Variants in ADGRB3 observed in about 807,000 individuals in gnomAD.
The protein encoded by ADGRB3 is adhesion G protein-coupled receptor B3, also known as brain-specific angiogenesis inhibitor 3.
ADGRB3 carries 37 observed loss-of-function variants against 193.4 expected under a neutral mutation model. The ratio of observed to expected loss-of-function variants is 0.19; its 90% CI spans 0.15 to 0.25. The LOEUF (loss-of-function observed/expected upper bound fraction) is 0.25. ADGRB3 is among the 10% of genes least tolerant of loss of function. The pLI, the probability that ADGRB3 is intolerant of heterozygous loss-of-function variation, is 1.00. For missense variants in ADGRB3, 1,637 were observed against 1,852.9 expected, an observed-to-expected ratio of 0.88 and a Z score of 2.14; for synonymous variants, 690 against 644.2, an observed-to-expected ratio of 1.07 and a Z score of -1.08.
At chr6:68,700,794 G>A (rs1430664378) in intron 3 of ADGRB3, among the ~76,000 whole-genome samples, 2 of 141,882 alleles carry the variant, frequency 1.4e-5, no homozygotes, top group African/African-American at 5.2e-5. Context: ...ACACAAGAAG[G>A]GGAACATCAC....
intron 20 of ADGRB3, among the ~76,000 whole-genome samples, chr6:69,257,394 C>A (rs1016861230): frequency 6.6e-6 from 1 of 152,150 alleles, no homozygotes; most frequent in African/African-American, 2.4e-5. Flanking sequence ...TGTTATTGGT[C>A]TATTCAGAGA....
chr6:69,005,419 C>T (rs958054407), intron 11 of ADGRB3, among the ~76,000 whole-genome samples: 3 of 151,982 alleles, frequency 2.0e-5, no homozygotes, highest in Non-Finnish European at 2.9e-5. Flanking sequence ...ACAAGTTAAA[C>T]TCTCTTACAT....
intron 16 of ADGRB3, among the ~76,000 whole-genome samples, chr6:69,067,117 G>T (rs1436177421): frequency 6.6e-6 from 1 of 152,108 alleles, no homozygotes; most frequent in East Asian, 1.9e-4. Flanking sequence ...CAAATGGAAA[G>T]ATAGAGTGGA....
intron 20 of ADGRB3, among the ~76,000 whole-genome samples, chr6:69,280,396 T>C (rs1767409822): frequency 1.3e-5 from 2 of 152,156 alleles, no homozygotes; most frequent in Non-Finnish European, 1.5e-5. Flanking sequence ...GAGGCAGTAT[T>C]ATATTGTGGT....
chr6:68,882,119 C>G lies in ADGRB3; in HGVS notation c.758-48440C>G, dbSNP rs146243511. 8.8e-3 allele frequency among the ~76,000 whole-genome samples: 1,346 copies of G among 152,254 alleles called. 35 individuals are homozygous for G. The highest frequency in any genetic ancestry group is 0.031 in the African/African-American group (1,285 of 41,558). On this transcript the variant is annotated intron_variant, in intron 3 of 31. Transcript: ENST00000370598. Reference sequence around the variant, plus strand: ...GATTTAGAAATGTTACATTCCCATTCATTTCATGAATATTCTCTAATGCTT... The same window carrying G: ...GATTTAGAAATGTTACATTCCCATTGATTTCATGAATATTCTCTAATGCTT...
intron 17 of ADGRB3, among the ~76,000 whole-genome samples, chr6:69,146,821 C>CTTTTTT (rs756561473): frequency 1.9e-5 from 2 of 103,236 alleles, no homozygotes; most frequent in African/African-American, 3.8e-5. Flanking sequence ...CTCATTACTT[C>CTTTTTT]TTTTTTTTTT....
intron 3 of ADGRB3, among the ~76,000 whole-genome samples, chr6:68,705,528 T>C (rs1255393798): frequency 1.3e-5 from 2 of 152,228 alleles, no homozygotes; most frequent in African/African-American, 4.8e-5. Context: ...TCTAGGCTTC[T>C]AACTCTGTGT....
chr6:68,886,825 C>T (rs1765921303), intron 3 of ADGRB3, among the ~76,000 whole-genome samples: 1 of 151,856 alleles, frequency 6.6e-6, no homozygotes, highest in Admixed American at 6.6e-5. Flanking sequence ...AATATAATCG[C>T]TTTATATGTA....
At chr6:69,332,029 C>T (rs1182780745) in intron 23 of ADGRB3, 16 of 985,234 alleles carry the variant, frequency 1.6e-5, no homozygotes, top group Admixed American at 1.2e-4. Context: ...TCATTGGCAG[C>T]AGGGCAGGGT....
chr6:68,992,967 T>C, intron 10 of ADGRB3, among the ~76,000 whole-genome samples: 1 of 152,278 alleles, frequency 6.6e-6, no homozygotes, highest in African/African-American at 2.4e-5. Flanking sequence ...ATTAAACTTT[T>C]AGTAAACAAG....
chr6:69,226,893 T>A (rs897204943), intron 17 of ADGRB3, among the ~76,000 whole-genome samples: 2 of 152,202 alleles, frequency 1.3e-5, no homozygotes, highest in Non-Finnish European at 2.9e-5. Context: ...GTGGACACCA[T>A]TAAGACCTCT....
chr6:68,738,345 T>C (rs968391726), intron 3 of ADGRB3, among the ~76,000 whole-genome samples: 1 of 151,862 alleles, frequency 6.6e-6, no homozygotes, highest in Non-Finnish European at 1.5e-5. Flanking sequence ...AAATGGGGAC[T>C]GACTGGAGGA....
intron 8 of ADGRB3, among the ~76,000 whole-genome samples, chr6:68,965,380 C>G (rs1311296826): frequency 6.6e-6 from 1 of 152,012 alleles, no homozygotes; most frequent in East Asian, 1.9e-4. Flanking sequence ...GGGAATTCCC[C>G]AAACACAAGA....
At chr6:69,311,168 G>C (rs1160455179) in intron 20 of ADGRB3, among the ~76,000 whole-genome samples, 6 of 151,648 alleles carry the variant, frequency 4.0e-5, no homozygotes, top group Admixed American at 4.0e-4. Flanking sequence ...TTTGCTTCTC[G>C]CAATAGCATG....
chr6:69,018,556 TC>T (rs1320435935), intron 13 of ADGRB3, 57 bp downstream of exon 13: 1 of 1,119,536 alleles, frequency 8.9e-7, no homozygotes, highest in Non-Finnish European at 1.3e-6. Flanking sequence ...ATTGCAAGTA[TC>T]TACACCATAC....
chr6:68,914,545 A>G (rs1465185524), intron 3 of ADGRB3, among the ~76,000 whole-genome samples: 1 of 152,140 alleles, frequency 6.6e-6, no homozygotes, highest in Non-Finnish European at 1.5e-5. Flanking sequence ...TGAAGGAAGC[A>G]CTAAACATGG....
At chr6:69,293,684 G>A (rs2127293540) in intron 20 of ADGRB3, among the ~76,000 whole-genome samples, 1 of 152,240 alleles carries the variant, frequency 6.6e-6, no homozygotes, top group South Asian at 2.1e-4. Flanking sequence ...TTTGTAAACA[G>A]CTACAGCCTC....
At chr6:69,242,298 C>T (rs543543128) in intron 20 of ADGRB3, among the ~76,000 whole-genome samples, 1 of 151,848 alleles carries the variant, frequency 6.6e-6, no homozygotes, top group South Asian at 2.1e-4. Context: ...TATAGGATCC[C>T]TTTGCTTCTG....
intron 20 of ADGRB3, among the ~76,000 whole-genome samples, chr6:69,248,372 A>C (rs905948957): frequency 6.6e-6 from 1 of 152,238 alleles, no homozygotes; most frequent in Non-Finnish European, 1.5e-5. Context: ...CCCTTGAGAT[A>C]AGATTACAAT....
Sources: allele counts gnomAD v4.1 joint callset (sites outside exome capture counted in the v4.1 genomes callset), GRCh38; gene constraint gnomAD v4.1.1; transcripts MANE v1.5; gene names NCBI Gene and HGNC (gene_info 2026-07-23, HGNC 2026-07-21).